The following INTS3 variants were observed in gnomAD, a reference collection of about 807,000 sequenced individuals.
INTS3 encodes the protein integrator complex subunit 3, also known as SOSS complex subunit A.
A neutral mutation model predicts 146.3 loss-of-function variants in INTS3; 34 were observed. That is an observed-to-expected ratio of 0.23 (90% CI 0.18 to 0.31). The LOEUF (loss-of-function observed/expected upper bound fraction) is 0.31, where lower values mean the gene tolerates loss of function less well. Ranked by LOEUF, INTS3 falls within the 10% of genes least tolerant of loss-of-function variation. The pLI is 1.00. For synonymous variants in INTS3, 475 were observed against 494.9 expected, an observed-to-expected ratio of 0.96 and a Z score of 0.53; for missense variants, 757 against 1,304.2, an observed-to-expected ratio of 0.58 and a Z score of 6.46.
At chr1:153,741,497 A>G (rs545905648) in intron 3 of INTS3, 129 bp downstream of exon 3, 2 of 669,458 alleles carry the variant, frequency 3.0e-6, no homozygotes, top group Admixed American at 5.1e-5. Flanking sequence ...CTCCAAATAT[A>G]GTTACAAGTC....
chr1:153,759,413 C>A (rs1672291529), intron 10 of INTS3, 113 bp from the exon 11 acceptor site: 1 of 755,204 alleles, frequency 1.3e-6, no homozygotes, highest in African/African-American at 1.7e-5. Flanking sequence ...TCACTAGGAA[C>A]TGAATTTCAT....
chr1:153,734,479 C>T (rs1671213345), intron 1 of INTS3, among the ~76,000 whole-genome samples: 1 of 152,194 alleles, frequency 6.6e-6, no homozygotes. Flanking sequence ...GTTATCCACC[C>T]ATCCAAATTC....
intron 10 of INTS3, 99 bp from the exon 11 acceptor site, chr1:153,759,427 T>C: frequency 1.2e-6 from 1 of 813,566 alleles, no homozygotes; most frequent in South Asian, 1.4e-5. Context: ...ATTTCATAGA[T>C]GAAACAGCCA....
intron 12 of INTS3, 175 bp downstream of exon 12, chr1:153,760,565 C>A (rs943122732): frequency 3.2e-6 from 2 of 632,480 alleles, no homozygotes; most frequent in Non-Finnish European, 5.6e-6. Context: ...ACTGTCTGCA[C>A]TTGGATCTTC....
chr1:153,747,718 C>T (rs1671801243), intron 5 of INTS3: 1 of 293,376 alleles, frequency 3.4e-6, no homozygotes, highest in Non-Finnish European at 6.5e-6. Context: ...AGTCCCTGTG[C>T]TTTCAGAAAC....
chr1:153,733,440 T>C (rs1282075108), intron 1 of INTS3, among the ~76,000 whole-genome samples: 1 of 151,412 alleles, frequency 6.6e-6, no homozygotes, highest in Non-Finnish European at 1.5e-5. Flanking sequence ...CTCGAAGTCG[T>C]GACCTCGTGA....
intron 9 of INTS3, among the ~76,000 whole-genome samples, chr1:153,755,249 G>T (rs886707752): frequency 2.0e-5 from 3 of 147,402 alleles, no homozygotes; most frequent in Non-Finnish European, 4.5e-5. Flanking sequence ...AATTTGTGGG[G>T]TTTTTTTTTT....
At chr1:153,735,199 T>A (rs1671242538) in intron 1 of INTS3, among the ~76,000 whole-genome samples, 1 of 152,138 alleles carries the variant, frequency 6.6e-6, no homozygotes, top group South Asian at 2.1e-4. Flanking sequence ...TGAACTCCTG[T>A]CCTCAAGTGA....
rs970906953 is a variant in INTS3 at position 153,772,052 on chromosome 1, A to C, written c.2720+89A>C. ...GGTGGTGGTGGTGGTGGTGGTGGTG[A>C]TGGGGGTCAGTGCTGTCCCAGCCTG... is the stretch of plus-strand genomic sequence containing the variant. On this transcript the variant is annotated intron_variant, in intron 26 of 29. Coordinates refer to ENST00000318967, the MANE Select transcript of INTS3 (RefSeq NM_023015.5). This position sits in a 1 kb window ranked among gnomAD's most constrained non-coding sequence, Gnocchi z 4.6. The C allele has an allele frequency of 4.6e-6, 6 of 1,298,468 alleles. No individual in the cohort carries two copies. Among genetic ancestry groups the C allele is most frequent in the African/African-American group, 3.1e-5 (2 of 64,352 alleles). The allele number at this position is 1,298,468 out of a possible 1,614,324, so 80.4% of individuals were successfully genotyped here.
intron 1 of INTS3, among the ~76,000 whole-genome samples, chr1:153,735,804 C>T (rs1241600874): frequency 6.6e-6 from 1 of 152,140 alleles, no homozygotes; most frequent in Non-Finnish European, 1.5e-5. Flanking sequence ...TTTATTGCAG[C>T]CTACAGCTCT....
At chr1:153,752,257 C>G (rs1671986077) in intron 7 of INTS3, 22 bp from the exon 8 acceptor site, 1 of 1,611,488 alleles carries the variant, frequency 6.2e-7, no homozygotes, top group South Asian at 1.1e-5. Context: ...TTCCTGTCCC[C>G]CACTTCCTCT....
At chr1:153,731,869 G>T (rs1671076381) in intron 1 of INTS3, among the ~76,000 whole-genome samples, 1 of 144,432 alleles carries the variant, frequency 6.9e-6, no homozygotes, top group Non-Finnish European at 1.5e-5. Flanking sequence ...ACAGACTTGA[G>T]CCACCGCACC....
intron 1 of INTS3, among the ~76,000 whole-genome samples, chr1:153,729,683 T>C (rs1396927629): frequency 1.3e-5 from 2 of 152,008 alleles, no homozygotes; most frequent in Non-Finnish European, 2.9e-5. Flanking sequence ...CTGGCCAACA[T>C]GGTGAAACCC....
At position 153,764,694 on chromosome 1, in the gene INTS3, C is replaced by T. The variant is rs1193584641; in HGVS notation, c.1930C>T (p.Leu644=). The change falls in exon 19 of 30, where the codon CTG becomes TTG. Residue 644 remains leucine (L), a synonymous_variant. Transcript: ENST00000318967. ...AATATAACCCTCTTCTTGTAGGTCC[C>T]TGGAGGAGTCTGTAGGAAAGCCTCT... ...VLPEEITEES[L]EESVGKPLYL... The T allele has an allele frequency of 1.2e-5, 19 of 1,608,122 alleles. No homozygotes were observed. Among genetic ancestry groups the T allele is most frequent in the Non-Finnish European group, 1.6e-5 (19 of 1,174,668 alleles).
intron 5 of INTS3, chr1:153,748,004 C>T (rs1671811798): frequency 6.4e-6 from 1 of 157,154 alleles, no homozygotes; most frequent in Non-Finnish European, 1.4e-5. Flanking sequence ...TTATGTAACA[C>T]TGATGCTCCT....
chr1:153,769,978 G>A (rs1467560474), intron 23 of INTS3, 134 bp downstream of exon 23: 1 of 721,774 alleles, frequency 1.4e-6, no homozygotes, highest in East Asian at 2.6e-5. Context: ...CCACCCTGGT[G>A]CGGTCTGGGG....
At chr1:153,732,874 G>A (rs978713001) in intron 1 of INTS3, among the ~76,000 whole-genome samples, 17 of 151,542 alleles carry the variant, frequency 1.1e-4, no homozygotes, top group Non-Finnish European at 1.8e-4. Context: ...CATCATCTCG[G>A]CTCACTGCAA....
intron 20 of INTS3, chr1:153,766,928 T>C (rs1436485701): frequency 1.3e-5 from 2 of 152,098 alleles, no homozygotes; most frequent in Non-Finnish European, 2.9e-5. Context: ...CAGGCTGGTC[T>C]TGAACTTCTG....
chr1:153,770,925 A>AC (rs553570809), intron 25 of INTS3, among the ~76,000 whole-genome samples, 192 bp downstream of exon 25: 5 of 151,348 alleles, frequency 3.3e-5, no homozygotes, highest in South Asian at 2.1e-4. Context: ...TCTCGACTTT[A>AC]CCCCCCTGCC....
Sources: gnomAD v4.1 joint callset for allele counts (sites outside exome capture counted in the v4.1 genomes callset) on GRCh38, gnomAD v4.1.1 for gene constraint, Gnocchi (gnomAD v3.1) non-coding constraint, MANE v1.5 for transcripts, NCBI Gene and HGNC (gene_info 2026-07-23, HGNC 2026-07-21) for gene names.